WDR25: variants seen among roughly 807,000 people sequenced by gnomAD.
The protein encoded by WDR25 is WD repeat-containing protein 25.
A neutral mutation model predicts 47.7 loss-of-function variants in WDR25; 35 were observed. The observed-to-expected ratio is 0.73, with a 90% confidence interval of 0.56 to 0.97. WDR25 has a LOEUF of 0.97. Among genes scored for constraint, WDR25 ranks in the 50% least tolerant of loss-of-function variants. The pLI, the probability that WDR25 is intolerant of heterozygous loss-of-function variation, is 0.00. For missense variants in WDR25, 634 were observed against 704.7 expected, an observed-to-expected ratio of 0.90 and a Z score of 1.14; for synonymous variants, 248 against 278.9, an observed-to-expected ratio of 0.89 and a Z score of 1.10.
chr14:100,411,276 C>T (rs1897700104), intron 2 of WDR25, among the ~76,000 whole-genome samples: 2 of 152,106 alleles, frequency 1.3e-5, no homozygotes, highest in African/African-American at 2.4e-5. Context: ...CCTCTGTTTC[C>T]CCATGTGTAA....
chr14:100,520,363 T>C (rs1447634545), intron 4 of WDR25, among the ~76,000 whole-genome samples: 1 of 152,204 alleles, frequency 6.6e-6, no homozygotes, highest in Non-Finnish European at 1.5e-5. Context: ...TAAACTTCCA[T>C]CTGCCTTACC....
chr14:100,507,531 A>G (rs1261902076), intron 4 of WDR25, among the ~76,000 whole-genome samples: 2 of 152,152 alleles, frequency 1.3e-5, no homozygotes, highest in African/African-American at 4.8e-5. Context: ...CTTCGAATCC[A>G]TGAGCACGGA....
rs772952150 is a variant in WDR25 at position 100,381,723 on chromosome 14, A to G, written c.799A>G (p.Thr267Ala). The change falls in exon 2 of 7, where the codon ACT (threonine) becomes GCT (alanine). Residue 267 changes from threonine (T) to alanine (A), a missense_variant. Physicochemically the swap from Thr to Ala is moderately conservative, Grantham distance 58. Transcript: ENST00000402312. ...TTCTAAGAGCCACATGCTTCTCTCC[A>G]CTTCTATGGATAAAACTTTCAAGGT... is the stretch of plus-strand genomic sequence containing the variant. ...VLSKSHMLLS[T>A]SMDKTFKVWN... 25 of 1,605,468 alleles carry G rather than the reference A, an allele frequency of 1.6e-5. No homozygotes were observed. Among genetic ancestry groups the G allele is most frequent in the Non-Finnish European group, 2.1e-5 (25 of 1,176,818 alleles).
At chr14:100,445,935 G>A (rs569892162) in intron 2 of WDR25, among the ~76,000 whole-genome samples, 5 of 152,300 alleles carry the variant, frequency 3.3e-5, no homozygotes, top group South Asian at 2.1e-4. Flanking sequence ...GACACGGGGC[G>A]AGGCCCGGCC....
intron 2 of WDR25, among the ~76,000 whole-genome samples, chr14:100,460,843 TAAGAC>T (rs988332822): frequency 1.3e-5 from 2 of 152,186 alleles, no homozygotes; most frequent in African/African-American, 2.4e-5. Flanking sequence ...GCCAGTGTGA[TAAGAC>T]AAGACAAGAA....
intron 4 of WDR25, chr14:100,487,707 A>G (rs1363325452): frequency 1.3e-5 from 2 of 152,224 alleles, no homozygotes; most frequent in Non-Finnish European, 2.9e-5. Flanking sequence ...AGGGGTGTAT[A>G]AGTTGTTTCT....
intron 2 of WDR25, among the ~76,000 whole-genome samples, chr14:100,390,339 C>T (rs547500911): frequency 2.2e-4 from 33 of 151,602 alleles, no homozygotes; most frequent in African/African-American, 7.5e-4. Flanking sequence ...AGATTTCCTG[C>T]TGCTCATTCC....
intron 2 of WDR25, among the ~76,000 whole-genome samples, chr14:100,456,553 C>T (rs902793521): frequency 5.9e-5 from 9 of 151,868 alleles, no homozygotes; most frequent in South Asian, 2.1e-4. Context: ...GAGACATGGG[C>T]GATACAAAAA....
rs1005013208 is a variant in WDR25, at chr14:100,529,029, G to T, written c.1273-39G>T. ...CCCAGAGCAGAGTGCCAGGTTGGGG[G>T]TGTCTTCTCTGACCCATTTGTGGCT... is the stretch of plus-strand genomic sequence containing the variant. On this transcript the variant is annotated intron_variant, in intron 5 of 6. Coordinates refer to ENST00000402312, the MANE Select transcript of WDR25 (RefSeq NM_001161476.3). This position sits in a 1 kb window ranked among gnomAD's most constrained non-coding sequence, Gnocchi z 5.1. The T allele has an allele frequency of 2.7e-6, 4 of 1,507,304 alleles. No homozygotes were observed. The highest frequency in any genetic ancestry group is 3.6e-6 in the Non-Finnish European group (4 of 1,125,450). 93.4% of individuals were successfully genotyped at this position (1,507,304 alleles called of 1,614,324 possible).
At position 100,498,818 on chromosome 14, in the gene WDR25, G is replaced by T. The variant is rs1480663672; in HGVS notation, c.1101+14694G>T. ...CCCTGATTTGGAATGGTTTCTACTCGAAGGGGTATCTTTCTCTAATAGGAA... is the reference window on the plus strand; with the variant it reads ...CCCTGATTTGGAATGGTTTCTACTCTAAGGGGTATCTTTCTCTAATAGGAA... On this transcript the variant is annotated intron_variant, in intron 4 of 6. Coordinates refer to ENST00000402312, the MANE Select transcript of WDR25 (RefSeq NM_001161476.3). This position sits in a 1 kb window ranked among gnomAD's most constrained non-coding sequence, Gnocchi z 4.2. Among the ~76,000 whole-genome samples, 1 of 152,190 alleles carries T rather than the reference G, an allele frequency of 6.6e-6. No individual in the cohort carries two copies. The highest frequency in any genetic ancestry group is 1.5e-5 in the Non-Finnish European group (1 of 68,044).
In WDR25 at chr14:100,440,312, T is replaced by C. The variant is rs1481205303; in HGVS notation, c.823-27709T>C. Among the ~76,000 whole-genome samples the C allele has an allele frequency of 6.6e-6, 1 of 152,214 alleles. No homozygotes were observed. Among genetic ancestry groups the C allele is most frequent in the Non-Finnish European group, 1.5e-5 (1 of 68,038 alleles). On this transcript the variant is annotated intron_variant, in intron 2 of 6. Transcript: ENST00000402312. This position sits in a 1 kb window ranked among gnomAD's most constrained non-coding sequence, Gnocchi z 4.4. ...AATTCTTTGATTGCAAAATAGCTAC[T>C]CTCAAAATGCAGACAGGCAGCCACA...
At chr14:100,495,289 G>A (rs551953929) in intron 4 of WDR25, among the ~76,000 whole-genome samples, 5 of 152,292 alleles carry the variant, frequency 3.3e-5, no homozygotes, top group East Asian at 3.9e-4. Flanking sequence ...CCCTGGAAGC[G>A]GAGGTTGCAG....
intron 4 of WDR25, among the ~76,000 whole-genome samples, chr14:100,490,523 G>T (rs1277041086): frequency 6.6e-6 from 1 of 152,234 alleles, no homozygotes; most frequent in Non-Finnish European, 1.5e-5. Context: ...GGGCTGGCCT[G>T]ACCTGACTGA....
At chr14:100,454,360 G>A (rs917277163) in intron 2 of WDR25, 3 of 1,286,198 alleles carry the variant, frequency 2.3e-6, no homozygotes, top group African/African-American at 3.0e-5. Context: ...GTATGTGTAT[G>A]GCAGGTGTGA....
chr14:100,381,711 A>G lies in WDR25; in HGVS notation c.787A>G (p.Met263Val), dbSNP rs532292901. Residue 263 changes from methionine to valine, a missense_variant, in exon 2 of 7, where the codon ATG becomes GTG. Physicochemically the swap from Met to Val is conservative, Grantham distance 21 (BLOSUM62 1). Coordinates refer to ENST00000402312, the MANE Select transcript of WDR25 (RefSeq NM_001161476.3). ...QWCPVLSKSH[M>V]LLSTSMDKTF... The stretch of plus-strand genomic sequence containing the variant: ...GTGTCCAGTCCTTTCTAAGAGCCAC[A>G]TGCTTCTCTCCACTTCTATGGATAA... The G allele has an allele frequency of 3.1e-6, 5 of 1,611,116 alleles. No individual in the cohort carries two copies. The highest frequency in any genetic ancestry group is 1.3e-5 in the African/African-American group (1 of 74,762).
In WDR25 at chr14:100,468,210, C is replaced by T. The variant is rs772034827; in HGVS notation, c.970+42C>T. On this transcript the variant is annotated intron_variant, in intron 3 of 6. Transcript: ENST00000402312. The surrounding 1 kb of genome is among the most constrained non-coding windows in gnomAD (Gnocchi z 4.5). ...ACCTCCCTGAGGTGAGCTGGCAGCTCTCTCCCTGGGGAAGGTTCTCTGGTG... is the reference window on the plus strand; with the variant it reads ...ACCTCCCTGAGGTGAGCTGGCAGCTTTCTCCCTGGGGAAGGTTCTCTGGTG... 1.3e-6 allele frequency: 2 copies of T among 1,588,724 alleles called. No homozygotes were observed. The highest frequency in any genetic ancestry group is 1.3e-5 in the African/African-American group (1 of 74,686).
intron 4 of WDR25, among the ~76,000 whole-genome samples, chr14:100,501,382 A>G (rs112815989): frequency 1.3e-5 from 2 of 152,176 alleles, no homozygotes; most frequent in Non-Finnish European, 2.9e-5. Context: ...ATAATTGGCC[A>G]TCATGAGCTG....
intron 2 of WDR25, among the ~76,000 whole-genome samples, chr14:100,402,357 G>A (rs1897404087): frequency 6.6e-6 from 1 of 151,136 alleles, no homozygotes; most frequent in African/African-American, 2.4e-5. Flanking sequence ...CTTTGTTATT[G>A]CTTTCTCCTA....
intron 2 of WDR25, among the ~76,000 whole-genome samples, chr14:100,446,885 T>A (rs2140256372): frequency 6.6e-6 from 1 of 152,318 alleles, no homozygotes; most frequent in East Asian, 1.9e-4. Flanking sequence ...GGCTGTTAGT[T>A]ACATGGCCAA....
Sources: gnomAD v4.1 joint callset for allele counts (sites outside exome capture counted in the v4.1 genomes callset) on GRCh38, gnomAD v4.1.1 for gene constraint, Gnocchi (gnomAD v3.1) non-coding constraint, MANE v1.5 for transcripts, NCBI Gene and HGNC (gene_info 2026-07-23, HGNC 2026-07-21) for gene names.